ELMO1: variants seen among roughly 807,000 people sequenced by gnomAD.
ELMO1 encodes engulfment and cell motility protein 1.
Under a neutral mutation model 98.9 loss-of-function variants are expected in ELMO1, and 26 were observed. The observed-to-expected ratio is 0.26, with a 90% confidence interval of 0.19 to 0.36. ELMO1 has a LOEUF of 0.36. Among genes scored for constraint, ELMO1 ranks in the 10% least tolerant of loss-of-function variants. The pLI is 1.00. For synonymous variants in ELMO1, 346 were observed against 346.0 expected, an observed-to-expected ratio of 1.00 and a Z score of 0.00; for missense variants, 627 against 935.2, an observed-to-expected ratio of 0.67 and a Z score of 4.30.
chr7:37,052,280 T>C (rs1796149242), intron 15 of ELMO1, among the ~76,000 whole-genome samples: 1 of 152,236 alleles, frequency 6.6e-6, no homozygotes, highest in African/African-American at 2.4e-5. Context: ...TGTCAAGTTA[T>C]TCCTGTTGTC....
intron 18 of ELMO1, among the ~76,000 whole-genome samples, chr7:36,878,511 C>G (rs561074211): frequency 5.2e-4 from 79 of 152,262 alleles, no homozygotes; most frequent in African/African-American, 1.9e-3. Context: ...GTTTCTGCTT[C>G]CACTTTCCTC....
At chr7:37,426,322 T>A (rs1028038625) in intron 1 of ELMO1, among the ~76,000 whole-genome samples, 4 of 151,634 alleles carry the variant, frequency 2.6e-5, no homozygotes, top group African/African-American at 9.7e-5. Flanking sequence ...CCCAGCTAAT[T>A]TTTGTATTTT....
At chr7:36,900,970 G>A (rs896116403) in intron 16 of ELMO1, among the ~76,000 whole-genome samples, 1 of 152,204 alleles carries the variant, frequency 6.6e-6, no homozygotes, top group Non-Finnish European at 1.5e-5. Context: ...TCATGTGTGG[G>A]AAGGATAATT....
intron 1 of ELMO1, among the ~76,000 whole-genome samples, chr7:37,379,291 C>T (rs571719053): frequency 1.5e-4 from 23 of 152,266 alleles, no homozygotes; most frequent in African/African-American, 4.8e-4. Context: ...CCACCCACCT[C>T]GGCCTCCCAA....
chr7:37,194,972 G>A (rs115152559), intron 13 of ELMO1, among the ~76,000 whole-genome samples: 1 of 152,210 alleles, frequency 6.6e-6, no homozygotes, highest in African/African-American at 2.4e-5. Flanking sequence ...TCCAGTGGCA[G>A]GAACTGTGCT....
chr7:36,863,691 G>C (rs527848851), intron 20 of ELMO1, among the ~76,000 whole-genome samples: 1 of 152,142 alleles, frequency 6.6e-6, no homozygotes, highest in African/African-American at 2.4e-5. Flanking sequence ...CACGAGACAT[G>C]AACACCATGT....
chr7:36,941,946 T>C (rs1787077611), intron 16 of ELMO1, among the ~76,000 whole-genome samples: 1 of 152,198 alleles, frequency 6.6e-6, no homozygotes, highest in African/African-American at 2.4e-5. Flanking sequence ...TTCCTAAGCC[T>C]TTCTGCTTAC....
At chr7:37,392,224 C>T (rs1490244833) in intron 1 of ELMO1, among the ~76,000 whole-genome samples, 1 of 152,182 alleles carries the variant, frequency 6.6e-6, no homozygotes, top group East Asian at 1.9e-4. Context: ...GAAGTTGCTA[C>T]TCTAGAGGTC....
chr7:37,021,792 TTAC>T (rs1261776313), intron 15 of ELMO1, among the ~76,000 whole-genome samples: 32 of 152,314 alleles, frequency 2.1e-4, no homozygotes, highest in African/African-American at 7.7e-4. Flanking sequence ...ATGTCAGTCG[TTAC>T]TAGTTTTAAT....
intron 1 of ELMO1, among the ~76,000 whole-genome samples, chr7:37,436,627 G>A (rs1805154700): frequency 1.3e-5 from 2 of 152,184 alleles, no homozygotes; most frequent in Non-Finnish European, 2.9e-5. Flanking sequence ...TGTTTAATGG[G>A]TACATGAGCT....
chr7:37,125,802 T>G (rs1031335820), intron 14 of ELMO1, among the ~76,000 whole-genome samples: 2 of 152,206 alleles, frequency 1.3e-5, no homozygotes, highest in African/African-American at 2.4e-5. Flanking sequence ...ACTGGGTATA[T>G]ACCCAAAGGA....
intron 8 of ELMO1, among the ~76,000 whole-genome samples, chr7:37,231,829 G>C (rs1285567851): frequency 1.3e-5 from 2 of 152,000 alleles, no homozygotes; most frequent in East Asian, 3.9e-4. Context: ...CTGGATGAAG[G>C]GCTTATAGGA....
intron 15 of ELMO1, among the ~76,000 whole-genome samples, chr7:37,091,838 G>A (rs572724175): frequency 9.2e-5 from 14 of 152,242 alleles, no homozygotes; most frequent in Admixed American, 4.6e-4. Flanking sequence ...GAATGAGAAC[G>A]GAGCAAAAGG....
intron 4 of ELMO1, among the ~76,000 whole-genome samples, chr7:37,305,875 A>G (rs1562598876): frequency 6.6e-6 from 1 of 152,234 alleles, no homozygotes; most frequent in Non-Finnish European, 1.5e-5. Context: ...CAAGACAACG[A>G]TAAAGCGATG....
At chr7:37,423,158 C>A (rs1426512375) in intron 1 of ELMO1, among the ~76,000 whole-genome samples, 1 of 152,246 alleles carries the variant, frequency 6.6e-6, no homozygotes, top group Admixed American at 6.5e-5. Flanking sequence ...AAACATGGCA[C>A]AATTTCCCTT....
intron 13 of ELMO1, among the ~76,000 whole-genome samples, chr7:37,157,853 C>A (rs1788906394): frequency 6.6e-6 from 1 of 152,106 alleles, no homozygotes; most frequent in African/African-American, 2.4e-5. Context: ...CCAAGTCAAT[C>A]CTAAGCCAAA....
At chr7:37,111,339 A>C (rs1438255953) in intron 14 of ELMO1, among the ~76,000 whole-genome samples, 2 of 152,214 alleles carry the variant, frequency 1.3e-5, no homozygotes, top group Non-Finnish European at 2.9e-5. Flanking sequence ...ATGCATGAGA[A>C]GGCAAAAGCA....
At chr7:36,860,481 T>C (rs1248018265) in intron 21 of ELMO1, among the ~76,000 whole-genome samples, 1 of 152,238 alleles carries the variant, frequency 6.6e-6, no homozygotes, top group East Asian at 1.9e-4. Context: ...TTTCTCTTCA[T>C]TGTATCTATA....
chr7:37,009,819 T>C (rs1793423061), intron 16 of ELMO1, among the ~76,000 whole-genome samples: 2 of 152,214 alleles, frequency 1.3e-5, no homozygotes, highest in Admixed American at 6.5e-5. Flanking sequence ...TGAATTTGAA[T>C]TTGGACAGTC....
Sources: allele counts gnomAD v4.1 joint callset (sites outside exome capture counted in the v4.1 genomes callset), GRCh38; gene constraint gnomAD v4.1.1; transcripts MANE v1.5; gene names NCBI Gene and HGNC (gene_info 2026-07-23, HGNC 2026-07-21).